DNM3: variants seen among roughly 807,000 people sequenced by gnomAD.
DNM3 encodes dynamin-3.
Under a neutral mutation model 101.6 loss-of-function variants are expected in DNM3, and 47 were observed. That is an observed-to-expected ratio of 0.46 (90% CI 0.37 to 0.59). The LOEUF (loss-of-function observed/expected upper bound fraction) is 0.59. Ranked by LOEUF, DNM3 falls within the 20% of genes least tolerant of loss-of-function variation. The pLI is 0.00. For missense variants in DNM3, 849 were observed against 1,085.7 expected (o/e 0.78, Z 3.06); for synonymous variants, 385 against 387.9 (o/e 0.99, Z 0.09).
At chr1:172,286,521 C>G (rs1573300729) in intron 15 of DNM3, among the ~76,000 whole-genome samples, 1 of 152,232 alleles carries the variant, frequency 6.6e-6, no homozygotes, top group East Asian at 1.9e-4. Context: ...TGGCTTGTCC[C>G]CCTATGGGAA....
chr1:172,089,355 T>C (rs2053754466), intron 12 of DNM3, among the ~76,000 whole-genome samples: 1 of 152,222 alleles, frequency 6.6e-6, no homozygotes, highest in South Asian at 2.1e-4. Flanking sequence ...TACATAGGTA[T>C]GTTTTATAAT....
rs1179619587 is a variant in DNM3 at position 172,323,320 on chromosome 1, C to T, written c.1882-9C>T. ...TTTCTCTTTCTTTTCCTTGCGGCTA[C>T]ATGCATAGGGGAACAACAAAGTAAG... On this transcript the variant is annotated splice_polypyrimidine_tract_variant and intron_variant, in intron 16 of 20. Transcript: ENST00000627582. The T allele has an allele frequency of 1.2e-6, 2 of 1,601,920 alleles. No homozygotes were observed. Among genetic ancestry groups the T allele is most frequent in the Non-Finnish European group, 1.7e-6 (2 of 1,173,742 alleles).
chr1:172,110,452 G>A (rs552602905), intron 13 of DNM3, among the ~76,000 whole-genome samples: 177 of 152,254 alleles, frequency 1.2e-3, no homozygotes, highest in African/African-American at 4.2e-3. Context: ...TATTCTGTGT[G>A]TCTAACATAG....
intron 19 of DNM3, among the ~76,000 whole-genome samples, chr1:172,387,588 GGCAGA>G (rs938283711): frequency 6.6e-6 from 1 of 151,808 alleles, no homozygotes; most frequent in African/African-American, 2.4e-5. Flanking sequence ...GAACCCGGGA[GGCAGA>G]GCTTGCAGTG....
chr1:172,093,689 A>G (rs2054065208), intron 13 of DNM3: 3 of 1,606,332 alleles, frequency 1.9e-6, no homozygotes, highest in African/African-American at 1.3e-5. Context: ...ATTCTTTGCT[A>G]TTTCAGGGAA....
At chr1:172,213,867 A>G (rs1042462375) in intron 14 of DNM3, among the ~76,000 whole-genome samples, 1 of 151,964 alleles carries the variant, frequency 6.6e-6, no homozygotes, top group Non-Finnish European at 1.5e-5. Context: ...GAAATTAAAT[A>G]CCTCTAGAAA....
intron 17 of DNM3, among the ~76,000 whole-genome samples, chr1:172,371,876 T>A (rs2068344990): frequency 6.7e-6 from 1 of 148,980 alleles, no homozygotes; most frequent in East Asian, 1.9e-4. Flanking sequence ...TTTTATTTTT[T>A]ATTTTTTTTA....
At chr1:172,119,255 G>T (rs1451583846) in intron 13 of DNM3, among the ~76,000 whole-genome samples, 4 of 152,068 alleles carry the variant, frequency 2.6e-5, no homozygotes, top group Non-Finnish European at 4.4e-5. Context: ...GTCTCCCAAA[G>T]TGCTAGGATT....
At chr1:172,215,519 G>A (rs16844095) in intron 14 of DNM3, among the ~76,000 whole-genome samples, 29,242 of 151,788 alleles carry the variant, frequency 0.19, 3,952 homozygotes, top group African/African-American at 0.39. Flanking sequence ...TTAAATTAAG[G>A]AGCAATCCAA....
chr1:172,250,046 A>C (rs2062108820), intron 14 of DNM3, among the ~76,000 whole-genome samples: 1 of 152,206 alleles, frequency 6.6e-6, no homozygotes, highest in Non-Finnish European at 1.5e-5. Flanking sequence ...TCTAAATTCC[A>C]AATGAGCAAC....
At chr1:172,201,738 T>G (rs1019048726) in intron 14 of DNM3, among the ~76,000 whole-genome samples, 3 of 152,216 alleles carry the variant, frequency 2.0e-5, no homozygotes, top group African/African-American at 7.2e-5. Flanking sequence ...CAGTTGCCCC[T>G]GGGGGCCTGG....
intron 13 of DNM3, among the ~76,000 whole-genome samples, chr1:172,102,646 T>C (rs1480352687): frequency 6.6e-6 from 1 of 152,158 alleles, no homozygotes; most frequent in African/African-American, 2.4e-5. Context: ...ATGTTTTTAC[T>C]TTGGGACAGT....
chr1:172,328,113 A>G (rs930160051), intron 17 of DNM3, among the ~76,000 whole-genome samples: 1 of 152,190 alleles, frequency 6.6e-6, no homozygotes, highest in Non-Finnish European at 1.5e-5. Context: ...TAGAAAGCTT[A>G]TAGTAGATTA....
chr1:171,886,071 A>G (rs2036739510), intron 1 of DNM3, among the ~76,000 whole-genome samples: 1 of 152,220 alleles, frequency 6.6e-6, no homozygotes, highest in Non-Finnish European at 1.5e-5. Context: ...CCATGGGAGC[A>G]ATAGTCAGAT....
chr1:172,188,408 A>G (rs896214382), intron 14 of DNM3, among the ~76,000 whole-genome samples: 5 of 152,110 alleles, frequency 3.3e-5, no homozygotes, highest in African/African-American at 1.2e-4. Context: ...CTCTCTAACC[A>G]GGAATTGAAC....
intron 14 of DNM3, among the ~76,000 whole-genome samples, chr1:172,218,586 T>C (rs1352516625): frequency 6.6e-6 from 1 of 152,108 alleles, no homozygotes; most frequent in Non-Finnish European, 1.5e-5. Flanking sequence ...TGGGGGTTTG[T>C]GGTATATGAT....
chr1:172,042,093 T>C lies in DNM3; in HGVS notation c.1077T>C (p.Gly359=). Residue 359 remains glycine (G), a synonymous_variant, in exon 8 of 21, where the codon GGT becomes GGC. Coordinates refer to ENST00000627582, the MANE Select transcript of DNM3 (RefSeq NM_015569.5). ...DQVDTLELSG[G]AKINRIFHER... ...TAGATACCCTGGAACTCTCAGGTGG[T>C]GCTAAAATCAATCGTATTTTTCATG... 1 of 1,610,902 alleles carries C rather than the reference T, an allele frequency of 6.2e-7. No homozygotes were observed. The highest frequency in any genetic ancestry group is 8.5e-7 in the Non-Finnish European group (1 of 1,179,012).
chr1:172,032,525 ACTT>A, intron 5 of DNM3, 25 bp downstream of exon 5: 20 of 662,782 alleles, frequency 3.0e-5, no homozygotes, highest in African/African-American at 2.7e-5. Flanking sequence ...TCTATACAAG[ACTT>A]TTTTTTTTTT....
chr1:172,165,915 A>G (rs1016922880), intron 14 of DNM3, among the ~76,000 whole-genome samples: 6 of 152,006 alleles, frequency 3.9e-5, no homozygotes, highest in South Asian at 4.1e-4. Context: ...ACTTTTATCA[A>G]TTATCTTTTT....
Sources: allele counts gnomAD v4.1 joint callset (sites outside exome capture counted in the v4.1 genomes callset), GRCh38; gene constraint gnomAD v4.1.1; transcripts MANE v1.5; gene names NCBI Gene and HGNC (gene_info 2026-07-23, HGNC 2026-07-21).